The following RALYL variants were observed in gnomAD, a reference collection of about 807,000 sequenced individuals.
The protein encoded by RALYL is RALY RNA binding protein like.
In RALYL, 29 loss-of-function variants were observed where a neutral mutation model predicts 35.1. The observed-to-expected ratio is 0.83, with a 90% CI of 0.61 to 1.13. The LOEUF (loss-of-function observed/expected upper bound fraction) is 1.13. RALYL is among the 50% of genes most tolerant of loss of function. The pLI is 0.00. For synonymous variants in RALYL, 120 were observed against 127.6 expected (o/e 0.94, Z 0.40); for missense variants, 359 against 360.4 (o/e 1.00, Z 0.03).
chr8:84,847,028 A>G (rs1233722793), intron 4 of RALYL, among the ~76,000 whole-genome samples: 2 of 152,158 alleles, frequency 1.3e-5, no homozygotes, highest in Admixed American at 6.6e-5. Flanking sequence ...TAATTCCCCC[A>G]TATACTGTAT....
intron 3 of RALYL, among the ~76,000 whole-genome samples, chr8:84,786,646 C>T (rs1819536092): frequency 6.6e-6 from 1 of 152,148 alleles, no homozygotes; most frequent in African/African-American, 2.4e-5. Flanking sequence ...AGTGTCTGTT[C>T]ATGTCCTTTA....
At chr8:84,555,383 T>G (rs2061042199) in intron 2 of RALYL, among the ~76,000 whole-genome samples, 1 of 152,146 alleles carries the variant, frequency 6.6e-6, no homozygotes, top group Non-Finnish European at 1.5e-5. Flanking sequence ...CATGACAATA[T>G]GGGAAACCTC....
intron 1 of RALYL, among the ~76,000 whole-genome samples, chr8:84,304,468 A>G (rs1253940201): frequency 6.6e-6 from 1 of 152,178 alleles, no homozygotes; most frequent in African/African-American, 2.4e-5. Flanking sequence ...CCTTCATCTA[A>G]CAATTCTTTA....
In RALYL at chr8:84,529,290, T is replaced by C; in HGVS notation, c.-23-9T>C. 1.3e-6 allele frequency: 2 copies of C among 1,550,204 alleles called. No individual in the cohort carries two copies. The highest frequency in any genetic ancestry group is 1.7e-6 in the Non-Finnish European group (2 of 1,144,948). On this transcript the variant is annotated splice_polypyrimidine_tract_variant and intron_variant, in intron 1 of 8. Coordinates refer to ENST00000521268, the MANE Select transcript of RALYL (RefSeq NM_173848.7). ...TTATTTGTTTTGTTTGTTTGTTTGTTTGTTTAAGGATTAAAGCAAGGAGAG... is the reference window on the plus strand; with the variant it reads ...TTATTTGTTTTGTTTGTTTGTTTGTCTGTTTAAGGATTAAAGCAAGGAGAG...
At chr8:84,714,775 G>A (rs1439872417) in intron 2 of RALYL, among the ~76,000 whole-genome samples, 2 of 151,722 alleles carry the variant, frequency 1.3e-5, no homozygotes, top group African/African-American at 4.8e-5. Context: ...ATAAATACCA[G>A]CTATTGCATA....
chr8:84,450,255 T>C (rs905527394), intron 1 of RALYL, among the ~76,000 whole-genome samples: 1 of 151,924 alleles, frequency 6.6e-6, no homozygotes, highest in Non-Finnish European at 1.5e-5. Context: ...AAAAAGATGC[T>C]TTTTAGTAAT....
intron 2 of RALYL, among the ~76,000 whole-genome samples, chr8:84,604,163 G>A (rs1816608295): frequency 2.0e-5 from 3 of 152,016 alleles, no homozygotes. Context: ...CACAGCTTTA[G>A]ATTAATCTAT....
intron 1 of RALYL, among the ~76,000 whole-genome samples, chr8:84,420,092 G>C (rs866254928): frequency 0.037 from 5,646 of 150,802 alleles, 135 homozygotes; most frequent in Middle Eastern, 0.054. Flanking sequence ...AATGGTATTT[G>C]TAGTTCTAGA....
intron 8 of RALYL, among the ~76,000 whole-genome samples, chr8:84,903,839 T>C (rs913220645): frequency 2.0e-5 from 3 of 152,190 alleles, no homozygotes; most frequent in Admixed American, 6.5e-5. Context: ...GGAAAAATCA[T>C]CTTAGTGACA....
chr8:84,694,803 A>G (rs186087699), intron 2 of RALYL, among the ~76,000 whole-genome samples: 1 of 151,984 alleles, frequency 6.6e-6, no homozygotes, highest in Admixed American at 6.6e-5. Flanking sequence ...TAATCTAACC[A>G]GAAACACCGG....
In RALYL at chr8:84,664,263, A is replaced by ATTTT. The variant is rs60423756; in HGVS notation, c.257-110295_257-110292dup. On this transcript the variant is annotated intron_variant, in intron 2 of 8. Transcript: ENST00000521268. ...GGTAGCGTGAGTGTGATGCCTCTAG[A>ATTTT]TTTTTTTTTTTTTTTTTTTTTTTTC... Among the ~76,000 whole-genome samples the ATTTT allele has an allele frequency of 3.0e-3, 174 of 57,992 alleles. 5 individuals are homozygous for ATTTT. The highest frequency in any genetic ancestry group is 6.9e-3 in the East Asian group (11 of 1,588). The allele number at this position is 57,992 out of a possible 152,430, so 38.0% of individuals were successfully genotyped here.
intron 2 of RALYL, among the ~76,000 whole-genome samples, chr8:84,716,838 TC>T (rs1435738798): frequency 6.6e-6 from 1 of 152,140 alleles, no homozygotes; most frequent in Non-Finnish European, 1.5e-5. Flanking sequence ...CATTAAAAAT[TC>T]TACTTTAAAA....
At chr8:84,370,879 T>C (rs544792028) in intron 1 of RALYL, among the ~76,000 whole-genome samples, 29 of 152,016 alleles carry the variant, frequency 1.9e-4, no homozygotes, top group African/African-American at 6.5e-4. Flanking sequence ...GTTGCAAAAT[T>C]GCATTGTTCC....
intron 7 of RALYL, among the ~76,000 whole-genome samples, chr8:84,875,107 G>T (rs903347721): frequency 6.6e-5 from 10 of 151,916 alleles, no homozygotes; most frequent in African/African-American, 2.4e-4. Context: ...AAAAAAAATA[G>T]ATTTTAGAAA....
chr8:84,478,476 A>G (rs1394020672), intron 1 of RALYL, among the ~76,000 whole-genome samples: 1 of 152,224 alleles, frequency 6.6e-6, no homozygotes, highest in Non-Finnish European at 1.5e-5. Flanking sequence ...AGTTTTCTAT[A>G]CTAATCACTT....
At chr8:84,745,048 C>T (rs1808284043) in intron 2 of RALYL, among the ~76,000 whole-genome samples, 2 of 149,662 alleles carry the variant, frequency 1.3e-5, no homozygotes, top group South Asian at 2.1e-4. Flanking sequence ...ACATGCAACA[C>T]CCCACTCCCA....
intron 3 of RALYL, among the ~76,000 whole-genome samples, chr8:84,777,047 C>A (rs371388148): frequency 6.6e-6 from 1 of 152,146 alleles, no homozygotes; most frequent in Non-Finnish European, 1.5e-5. Flanking sequence ...AAAAAAATTA[C>A]CTTAATTTTA....
intron 2 of RALYL, among the ~76,000 whole-genome samples, chr8:84,573,172 TA>T: frequency 6.6e-6 from 1 of 151,578 alleles, no homozygotes; most frequent in South Asian, 2.1e-4. Context: ...AAAAATTTTT[TA>T]TTCATATATT....
At chr8:84,211,747 T>C (rs544150859) in intron 1 of RALYL, among the ~76,000 whole-genome samples, 34 of 152,238 alleles carry the variant, frequency 2.2e-4, no homozygotes, top group South Asian at 1.2e-3. Context: ...TAGCTGTGTA[T>C]AAATGTTTGC....
Sources: allele counts gnomAD v4.1 joint callset (sites outside exome capture counted in the v4.1 genomes callset), GRCh38; gene constraint gnomAD v4.1.1; transcripts MANE v1.5; gene names NCBI Gene and HGNC (gene_info 2026-07-23, HGNC 2026-07-21).